SCN3A: variants seen among roughly 807,000 people sequenced by gnomAD.
SCN3A encodes sodium voltage-gated channel alpha subunit 3.
A neutral mutation model predicts 187.6 loss-of-function variants in SCN3A; 60 were observed. The observed-to-expected ratio is 0.32, with a 90% CI of 0.26 to 0.40. The LOEUF is 0.40. Ranked by LOEUF, SCN3A falls within the 10% of genes least tolerant of loss-of-function variation. The probability of loss-of-function intolerance (pLI) is 1.00; values close to 1 mark genes in which losing one functional copy is unlikely to be tolerated. For missense variants in SCN3A, 1,601 were observed against 2,428.2 expected, an observed-to-expected ratio of 0.66 and a Z score of 7.16; for synonymous variants, 788 against 829.2, an observed-to-expected ratio of 0.95 and a Z score of 0.85.
intron 4 of SCN3A, 74 bp downstream of exon 4, chr2:165,170,356 G>A: frequency 1.1e-6 from 1 of 908,520 alleles, no homozygotes; most frequent in Non-Finnish European, 1.8e-6. Context: ...ACAGATACTT[G>A]AAAATATAAC....
intron 11 of SCN3A, among the ~76,000 whole-genome samples, chr2:165,152,719 T>A (rs1162005974): frequency 6.6e-6 from 1 of 152,046 alleles, no homozygotes; most frequent in Non-Finnish European, 1.5e-5. Flanking sequence ...TTTCTCCACA[T>A]CCTCTCCAGC....
rs751582800 is a variant in SCN3A at position 165,112,890 on chromosome 2, C to T, written c.3838G>A (p.Val1280Ile). Reference protein sequence around the residue: ...NAWCWLDFLIVDVSLVSLVAN... With the variant: ...NAWCWLDFLIIDVSLVSLVAN... Reference sequence around the variant, plus strand: ...AAATCACTTAAAATACTTACATCAACGATCAAGAAATCTAGCCAGCACCAG... The same window carrying T: ...AAATCACTTAAAATACTTACATCAATGATCAAGAAATCTAGCCAGCACCAG... The change falls in exon 21 of 28, where the codon GTT becomes ATT. Residue 1280 changes from valine (V) to isoleucine (I), a missense_variant. Val to Ile is a conservative substitution (Grantham distance 29, BLOSUM62 3). Coordinates refer to ENST00000283254, the MANE Select transcript of SCN3A (RefSeq NM_006922.4). 5 of 1,612,742 alleles carry T rather than the reference C, an allele frequency of 3.1e-6. No individual in the cohort carries two copies. Among genetic ancestry groups the T allele is most frequent in the South Asian group, 1.1e-5 (1 of 90,836 alleles).
Position 165,092,614 on chromosome 2 carries a change from G to C in SCN3A, c.4537-90C>G. The stretch of plus-strand genomic sequence containing the variant: ...TTGTAGATAAAGCCCTTCCACATAC[G>C]GGATGGATGTGCACCCTCCTCATAT... On this transcript the variant is annotated intron_variant, in intron 26 of 27. Coordinates refer to ENST00000283254, the MANE Select transcript of SCN3A (RefSeq NM_006922.4). The surrounding 1 kb of genome is among the most constrained non-coding windows in gnomAD (Gnocchi z 4.2). 1 of 1,196,202 alleles carries C rather than the reference G, an allele frequency of 8.4e-7. No homozygotes were observed. The highest frequency in any genetic ancestry group is 1.2e-6 in the Non-Finnish European group (1 of 817,838). The allele number at this position is 1,196,202 out of a possible 1,614,324, so 74.1% of individuals were successfully genotyped here.
intron 18 of SCN3A, among the ~76,000 whole-genome samples, chr2:165,117,574 T>G (rs1348046030): frequency 6.6e-6 from 1 of 152,096 alleles, no homozygotes; most frequent in East Asian, 1.9e-4. Context: ...AAGTATAGAA[T>G]AGACACTGAA....
chr2:165,176,243 G>A lies in SCN3A; in HGVS notation c.152C>T (p.Pro51Leu), dbSNP rs1399602856. 2 of 1,613,336 alleles carry A rather than the reference G, an allele frequency of 1.2e-6. No homozygotes were observed. Among genetic ancestry groups the A allele is most frequent in the African/African-American group, 1.3e-5 (1 of 74,786 alleles). The change falls in exon 3 of 28, where the codon CCA (proline) becomes CTA (leucine). Residue 51 changes from proline (P) to leucine (L), a missense_variant. Physicochemically the swap from Pro to Leu is moderately conservative, Grantham distance 98. This residue lies in a region of SCN3A where 74 missense variants were observed against 77.7 expected (regional missense o/e 0.95). Coordinates refer to ENST00000283254, the MANE Select transcript of SCN3A (RefSeq NM_006922.4). ...QDNDDENKPK[P>L]NSDLEAGKNL... Reference sequence around the variant, plus strand: ...CTTTCCAGCTTCCAAGTCACTATTTGGCTTTGGTTTGTTCTCATCATCATT... The same window carrying A: ...CTTTCCAGCTTCCAAGTCACTATTTAGCTTTGGTTTGTTCTCATCATCATT...
At chr2:165,109,626 C>T (rs1193548289) in intron 21 of SCN3A, among the ~76,000 whole-genome samples, 1 of 152,056 alleles carries the variant, frequency 6.6e-6, no homozygotes, top group African/African-American at 2.4e-5. Context: ...CTAAAATCTC[C>T]ACTTTCTTGC....
chr2:165,140,724 T>TC lies in SCN3A; in HGVS notation c.1945dup (p.Asp649GlyfsTer72), dbSNP rs1687959221. 1.9e-6 allele frequency: 3 copies of TC among 1,613,926 alleles called. No individual in the cohort carries two copies. The South Asian group carries it at 3.3e-5, about 18-fold the overall frequency. ...CACCAAGGAAACCACACCATTGCAATCCACAGTGCTGTGCATCTTCCCATT... is the reference window on the plus strand; with the variant it reads ...CACCAAGGAAACCACACCATTGCAATCCCACAGTGCTGTGCATCTTCCCATT... On this transcript the variant is annotated frameshift_variant, in exon 13 of 28. Coordinates refer to ENST00000283254, the MANE Select transcript of SCN3A (RefSeq NM_006922.4). LOFTEE classifies it high-confidence loss of function. This position sits in a 1 kb window ranked among gnomAD's most constrained non-coding sequence, Gnocchi z 4.2.
chr2:165,095,717 A>G, intron 24 of SCN3A, 69 bp from the exon 25 acceptor site: 2 of 925,812 alleles, frequency 2.2e-6, no homozygotes, highest in Non-Finnish European at 3.4e-6. Flanking sequence ...TCAGTAATTT[A>G]TTGAGTGCTG....
rs111251083 is a variant in SCN3A at position 165,162,390 on chromosome 2, AC to A, written c.968-20del. 186 of 1,600,784 alleles carry A rather than the reference AC, an allele frequency of 1.2e-4. 1 individual carries two copies. Among genetic ancestry groups the A allele is most frequent in the South Asian group, 1.1e-3 (101 of 90,222 alleles). On this transcript the variant is annotated intron_variant, in intron 8 of 27. Transcript: ENST00000283254. ...AAGTGACCTGTTAATACAAAAAAAA[AC>A]CCATTTTATTTCATATTAATCCTAT...
chr2:165,191,868 C>A (rs1691636089), intron 1 of SCN3A, among the ~76,000 whole-genome samples: 1 of 151,542 alleles, frequency 6.6e-6, no homozygotes, highest in Non-Finnish European at 1.5e-5. Context: ...TAGTAGTGCT[C>A]AATGAATACT....
chr2:165,140,692 G>T lies in SCN3A; in HGVS notation c.1978C>A (p.Pro660Thr). 1 of 1,614,000 alleles carries T rather than the reference G, an allele frequency of 6.2e-7. No individual in the cohort carries two copies. The highest frequency in any genetic ancestry group is 8.5e-7 in the Non-Finnish European group (1 of 1,179,984). ...CNGVVSLVGG[P>T]SALTSPTGQL... ...CCAGTAGGTGACGTTAGAGCTGAAG[G>T]TCCACCCACCAAGGAAACCACACCA... The change falls in exon 13 of 28, where the codon CCT becomes ACT. Residue 660 changes from proline to threonine, a missense_variant. Transcript: ENST00000283254. This position sits in a 1 kb window ranked among gnomAD's most constrained non-coding sequence, Gnocchi z 4.2.
chr2:165,091,712 C>A, intron 27 of SCN3A: 1 of 293,700 alleles, frequency 3.4e-6, no homozygotes, highest in Non-Finnish European at 6.4e-6. Context: ...TGATACTCTT[C>A]AGTTAGAGAG....
chr2:165,097,641 G>A (rs1685421307), intron 22 of SCN3A, 117 bp from the exon 23 acceptor site: 3 of 1,284,198 alleles, frequency 2.3e-6, no homozygotes, highest in Non-Finnish European at 3.3e-6. Context: ...AAATCTAGGT[G>A]GACAAGTTGT....
chr2:165,134,225 A>G (rs1687532639), intron 15 of SCN3A, among the ~76,000 whole-genome samples: 1 of 152,216 alleles, frequency 6.6e-6, no homozygotes, highest in Non-Finnish European at 1.5e-5. Flanking sequence ...CACAACATTT[A>G]TTTTTTAACT....
rs544679569 is a variant in SCN3A at position 165,197,586 on chromosome 2, G to GTTT, written c.-248+6234_-248+6236dup. On this transcript the variant is annotated intron_variant, in intron 1 of 27. Transcript: ENST00000283254. Reference sequence around the variant, plus strand: ...TGCATATCTCTTTCTCTTTAGCTGTGTTTTTTTTTTTTCTCCTGACATTTT... The same window carrying GTTT: ...TGCATATCTCTTTCTCTTTAGCTGTGTTTTTTTTTTTTTTTCTCCTGACATTTT... Among the ~76,000 whole-genome samples, 9 of 140,292 alleles carry GTTT rather than the reference G, an allele frequency of 6.4e-5. No individual in the cohort carries two copies. In the South Asian group the frequency reaches 2.0e-3, roughly 31 times the overall value. 92.0% of individuals were successfully genotyped at this position (140,292 alleles called of 152,430 possible).
intron 21 of SCN3A, among the ~76,000 whole-genome samples, chr2:165,109,294 C>T (rs1179266738): frequency 6.6e-6 from 1 of 152,082 alleles, no homozygotes; most frequent in Non-Finnish European, 1.5e-5. Context: ...TTTGTAGCTT[C>T]AAATGCCATA....
At position 165,092,848 on chromosome 2, in the gene SCN3A, A is replaced by G; in HGVS notation, c.4537-324T>C. ...GAGACTGGAGGCTCTCTTGAGGCCA[A>G]GAGTTCCAGACCAGCCTGGGCAACA... On this transcript the variant is annotated intron_variant, in intron 26 of 27. Transcript: ENST00000283254. The surrounding 1 kb of genome is among the most constrained non-coding windows in gnomAD (Gnocchi z 4.2). 3.5e-6 allele frequency: 1 copy of G among 288,552 alleles called. No homozygotes were observed. The highest frequency in any genetic ancestry group is 6.6e-6 in the Non-Finnish European group (1 of 151,790). The allele number at this position is 288,552 out of a possible 1,614,324, so 17.9% of individuals were successfully genotyped here. A position where few individuals can be genotyped will look rare whatever the true frequency, so the allele number is the denominator to read the frequency against.
chr2:165,191,060 GTT>G lies in SCN3A; in HGVS notation c.-247-4315_-247-4314del, dbSNP rs58901959. On this transcript the variant is annotated intron_variant, in intron 1 of 27. Transcript: ENST00000283254. ...CTTATTGAATCCAGGATTTTACGTT[GTT>G]TTTTTTTTTTTTTTTTCAGGTTAGA... Among the ~76,000 whole-genome samples, 419 of 113,510 alleles carry G rather than the reference GTT, an allele frequency of 3.7e-3. 5 individuals are homozygous for G. The highest frequency in any genetic ancestry group is 9.2e-3 in the South Asian group (32 of 3,460). The allele number at this position is 113,510 out of a possible 152,430, so 74.5% of individuals were successfully genotyped here.
rs760932081 is a variant in SCN3A, at chr2:165,139,570, T to C, written c.2058A>G (p.Leu686=). ...TTETEVRKRR[L]SSYQISMEML... ...TCTCCATTGAAATCTGGTAAGAGCT[T>C]AACCTTCTCTTTCTGACTTCCGTTT... Residue 686 remains leucine (L), a synonymous_variant, in exon 14 of 28, where the codon TTA becomes TTG. Coordinates refer to ENST00000283254, the MANE Select transcript of SCN3A (RefSeq NM_006922.4). 3.3e-5 allele frequency: 54 copies of C among 1,613,786 alleles called. No individual in the cohort carries two copies. The highest frequency in any genetic ancestry group is 4.6e-5 in the Non-Finnish European group (54 of 1,179,898).
Sources: allele counts gnomAD v4.1 joint callset (sites outside exome capture counted in the v4.1 genomes callset), GRCh38; gene constraint gnomAD v4.1.1; regional missense constraint gnomAD v4.1.1; non-coding constraint Gnocchi (gnomAD v3.1); transcripts MANE v1.5; gene names NCBI Gene and HGNC (gene_info 2026-07-23, HGNC 2026-07-21).